KCNK10: variants seen among roughly 807,000 people sequenced by gnomAD.
KCNK10 encodes potassium two pore domain channel subfamily K member 10, also known as potassium channel subfamily K member 10.
KCNK10 carries 25 observed loss-of-function variants against 47.7 expected under a neutral mutation model. The ratio of observed to expected loss-of-function variants is 0.52; its 90% CI spans 0.38 to 0.73. KCNK10 has a LOEUF of 0.73. KCNK10 is among the 30% of genes least tolerant of loss of function. KCNK10 has a pLI of 0.00. For missense variants in KCNK10, 563 were observed against 714.5 expected (o/e 0.79, Z 2.42); for synonymous variants, 303 against 285.6 (o/e 1.06, Z -0.61).
At chr14:88,258,833 A>AC (rs1372460947) in intron 2 of KCNK10, among the ~76,000 whole-genome samples, 1 of 152,128 alleles carries the variant, frequency 6.6e-6, no homozygotes, top group Non-Finnish European at 1.5e-5. Flanking sequence ...ATCCCTCCCC[A>AC]CGATGGCTGT....
At chr14:88,252,068 T>C (rs75918257) in intron 2 of KCNK10, among the ~76,000 whole-genome samples, 9,628 of 152,272 alleles carry the variant, frequency 0.063, 422 homozygotes, top group Non-Finnish European at 0.1. Flanking sequence ...ATATATTTTA[T>C]ATTTCAAACC....
intron 1 of KCNK10, among the ~76,000 whole-genome samples, chr14:88,275,534 C>T (rs895950659): frequency 6.6e-6 from 1 of 151,762 alleles, no homozygotes; most frequent in Non-Finnish European, 1.5e-5. Flanking sequence ...CCAGACAAAC[C>T]GTGAAGGAGT....
In KCNK10 at chr14:88,186,950, G is replaced by A. The variant is rs751477812; in HGVS notation, c.1012-795C>T. On this transcript the variant is annotated intron_variant, in intron 6 of 6. Transcript: ENST00000319231. This position sits in a 1 kb window ranked among gnomAD's most constrained non-coding sequence, Gnocchi z 5.5. Reference sequence around the variant, plus strand: ...CAAATTTCTTGGCTCTTAATGAACAGGGCAGACAGTATAAGTCCCATGCTT... The same window carrying A: ...CAAATTTCTTGGCTCTTAATGAACAAGGCAGACAGTATAAGTCCCATGCTT... Among the ~76,000 whole-genome samples, 2 of 152,204 alleles carry A rather than the reference G, an allele frequency of 1.3e-5. No individual in the cohort carries two copies. The highest frequency in any genetic ancestry group is 2.9e-5 in the Non-Finnish European group (2 of 68,044).
chr14:88,281,561 A>T (rs1193122542), intron 1 of KCNK10, among the ~76,000 whole-genome samples: 1 of 151,786 alleles, frequency 6.6e-6, no homozygotes, highest in Non-Finnish European at 1.5e-5. Context: ...TTTTCAGGGG[A>T]ATTATACCAT....
intron 1 of KCNK10, among the ~76,000 whole-genome samples, chr14:88,270,019 C>T (rs11627829): frequency 0.29 from 43,637 of 152,064 alleles, 7,060 homozygotes; most frequent in Non-Finnish European, 0.36. Flanking sequence ...CGTGACTCTG[C>T]TACTGACCCA....
intron 4 of KCNK10, among the ~76,000 whole-genome samples, chr14:88,194,592 A>G (rs1884849106): frequency 6.6e-6 from 1 of 152,200 alleles, no homozygotes; most frequent in South Asian, 2.1e-4. Context: ...AGTACGTAGG[A>G]AGCTGGAGAC....
intron 1 of KCNK10, among the ~76,000 whole-genome samples, chr14:88,272,735 G>T (rs917734399): frequency 6.6e-6 from 1 of 152,098 alleles, no homozygotes; most frequent in South Asian, 2.1e-4. Context: ...GCAGCAGTGC[G>T]TAAGAGACAT....
At chr14:88,258,843 T>TA (rs1887032853) in intron 2 of KCNK10, among the ~76,000 whole-genome samples, 1 of 152,202 alleles carries the variant, frequency 6.6e-6, no homozygotes, top group South Asian at 2.1e-4. Context: ...ACGATGGCTG[T>TA]AAGAGCTACG....
At chr14:88,320,954 A>C (rs1293385342) in intron 1 of KCNK10, among the ~76,000 whole-genome samples, 1 of 152,250 alleles carries the variant, frequency 6.6e-6, no homozygotes, top group Non-Finnish European at 1.5e-5. Context: ...TCAAAACACA[A>C]GCCCTCTTGC....
At chr14:88,276,260 G>C (rs73328089) in intron 1 of KCNK10, among the ~76,000 whole-genome samples, 1,582 of 130,042 alleles carry the variant, frequency 0.012, 40 homozygotes, top group African/African-American at 0.063. Flanking sequence ...CCTTATAAAA[G>C]AGAACCCAGA....
chr14:88,187,514 T>C (rs1487537156), intron 6 of KCNK10, among the ~76,000 whole-genome samples: 2 of 152,078 alleles, frequency 1.3e-5, no homozygotes, highest in Non-Finnish European at 2.9e-5. Flanking sequence ...TGGGCTCACT[T>C]CCCCGTAGCT....
chr14:88,197,163 C>G (rs1486235781), intron 4 of KCNK10, among the ~76,000 whole-genome samples: 1 of 152,146 alleles, frequency 6.6e-6, no homozygotes, highest in African/African-American at 2.4e-5. Flanking sequence ...GACAGACTGG[C>G]CAGTTCAGTA....
At chr14:88,251,948 T>C (rs751001911) in intron 2 of KCNK10, among the ~76,000 whole-genome samples, 18 of 152,228 alleles carry the variant, frequency 1.2e-4, no homozygotes, top group Non-Finnish European at 1.9e-4. Context: ...GGGTGTCCCA[T>C]AGCTCTAGCT....
intron 1 of KCNK10, among the ~76,000 whole-genome samples, chr14:88,290,574 G>A (rs1887855073): frequency 6.6e-6 from 1 of 152,176 alleles, no homozygotes; most frequent in South Asian, 2.1e-4. Flanking sequence ...CAGGATGGAG[G>A]TTCTACTCTT....
At chr14:88,235,483 T>G (rs1281377082) in intron 3 of KCNK10, among the ~76,000 whole-genome samples, 2 of 151,676 alleles carry the variant, frequency 1.3e-5, no homozygotes, top group African/African-American at 2.4e-5. Flanking sequence ...AAGTAGAAAT[T>G]CAAGAAATCA....
At chr14:88,290,041 C>T (rs565870552) in intron 1 of KCNK10, among the ~76,000 whole-genome samples, 6 of 152,314 alleles carry the variant, frequency 3.9e-5, no homozygotes, top group African/African-American at 1.2e-4. Context: ...GGATAATGTT[C>T]GGTCCCCCAA....
chr14:88,318,963 A>G (rs79902157), intron 1 of KCNK10, among the ~76,000 whole-genome samples: 6,023 of 152,310 alleles, frequency 0.04, 175 homozygotes, highest in African/African-American at 0.079. Flanking sequence ...CTTAATACAC[A>G]TAAGCAGCAA....
chr14:88,191,359 A>ACG (rs1884742812), intron 5 of KCNK10, among the ~76,000 whole-genome samples: 1 of 151,974 alleles, frequency 6.6e-6, no homozygotes, highest in African/African-American at 2.4e-5. Flanking sequence ...ACACACACAC[A>ACG]CACACTCCAT....
At chr14:88,253,222 G>A (rs1379016959) in intron 2 of KCNK10, among the ~76,000 whole-genome samples, 2 of 152,188 alleles carry the variant, frequency 1.3e-5, no homozygotes, top group African/African-American at 2.4e-5. Flanking sequence ...AAAGAGTCAG[G>A]GGAGCAGAGG....
Sources: gnomAD v4.1 joint callset for allele counts (sites outside exome capture counted in the v4.1 genomes callset) on GRCh38, gnomAD v4.1.1 for gene constraint, Gnocchi (gnomAD v3.1) non-coding constraint, MANE v1.5 for transcripts, NCBI Gene and HGNC (gene_info 2026-07-23, HGNC 2026-07-21) for gene names.